Variants in RASSF8 observed in about 807,000 individuals in gnomAD.
RASSF8 encodes Ras association domain family member 8.
A neutral mutation model predicts 48.5 loss-of-function variants in RASSF8; 22 were observed. The ratio of observed to expected loss-of-function variants is 0.45; its 90% confidence interval spans 0.32 to 0.65. RASSF8 has a LOEUF of 0.65. RASSF8 is among the 30% of genes least tolerant of loss of function. The pLI, the probability that RASSF8 is intolerant of heterozygous loss-of-function variation, is 0.03. For missense variants in RASSF8, 418 were observed against 489.2 expected (o/e 0.85, Z 1.37); for synonymous variants, 127 against 171.5 (o/e 0.74, Z 2.03).
At chr12:25,974,097 G>A (rs1012179543) in intron 1 of RASSF8, among the ~76,000 whole-genome samples, 4 of 152,022 alleles carry the variant, frequency 2.6e-5, no homozygotes, top group African/African-American at 9.7e-5. Context: ...CGGTGGTCCA[G>A]GGAGAAAGCA....
In RASSF8 at chr12:26,055,282, G is replaced by C; in HGVS notation, c.-62G>C. 2.2e-6 allele frequency: 3 copies of C among 1,348,214 alleles called. No individual in the cohort carries two copies. Among genetic ancestry groups the C allele is most frequent in the Non-Finnish European group, 3.2e-6 (3 of 937,832 alleles). 83.5% of individuals were successfully genotyped at this position (1,348,214 alleles called of 1,614,324 possible). A position where few individuals can be genotyped will look rare whatever the true frequency, so the allele number is the denominator to read the frequency against. On this transcript the variant is annotated 5_prime_UTR_variant, in exon 3 of 6. Transcript: ENST00000689635. ...TCTCCACTCCGTGTTCCTGCAGCTAGAGACATGACCTAACACCCTGATGAC... is the reference window on the plus strand; with the variant it reads ...TCTCCACTCCGTGTTCCTGCAGCTACAGACATGACCTAACACCCTGATGAC...
Position 26,072,753 on chromosome 12 carries a change from A to T in RASSF8, c.*3935A>T. On this transcript the variant is annotated 3_prime_UTR_variant, in exon 6 of 6. Transcript: ENST00000689635. Reference sequence around the variant, plus strand: ...TCTGTAATATGTATTATATGTAATTATCCTTTTCTTTGACTTTCATTTTAA... The same window carrying T: ...TCTGTAATATGTATTATATGTAATTTTCCTTTTCTTTGACTTTCATTTTAA... 1 of 946,852 alleles carries T rather than the reference A, an allele frequency of 1.1e-6. No individual in the cohort carries two copies. The highest frequency in any genetic ancestry group is 1.3e-6 in the Non-Finnish European group (1 of 794,892). The allele number at this position is 946,852 out of a possible 1,614,324, so 58.7% of individuals were successfully genotyped here.
intron 5 of RASSF8, among the ~76,000 whole-genome samples, 172 bp from the exon 6 acceptor site, chr12:26,068,523 CAA>C (rs1439674762): frequency 6.6e-6 from 1 of 152,170 alleles, no homozygotes; most frequent in Non-Finnish European, 1.5e-5. Context: ...ACTAGTTTAT[CAA>C]AGAGACCTGA....
chr12:25,969,792 A>G lies in RASSF8; in HGVS notation c.-203+10644A>G, dbSNP rs151153839. Among the ~76,000 whole-genome samples, 356 of 152,198 alleles carry G rather than the reference A, an allele frequency of 2.3e-3. 1 individual carries two copies. The highest frequency in any genetic ancestry group is 8.3e-3 in the African/African-American group (344 of 41,526). ...TGTGGGTGCATGTTTTGGTTGTTGC[A>G]GACTGGAGAGATGGGTATTTCTGGT... On this transcript the variant is annotated intron_variant, in intron 1 of 5. Transcript: ENST00000689635.
In RASSF8 at chr12:25,963,321, C is replaced by CAAA. The variant is rs61607517; in HGVS notation, c.-203+4193_-203+4195dup. ...TCACTAAAGCATTCCTTGTTTTAGC[C>CAAA]AAAAAAAAAAAAAAAAAAAAAAGTC... On this transcript the variant is annotated intron_variant, in intron 1 of 5. Coordinates refer to ENST00000689635, the MANE Select transcript of RASSF8 (RefSeq NM_001394098.1). Among the ~76,000 whole-genome samples, 245 of 96,128 alleles carry CAAA rather than the reference C, an allele frequency of 2.5e-3. 1 individual carries two copies. Among genetic ancestry groups the CAAA allele is most frequent in the African/African-American group, 2.9e-3 (70 of 24,276 alleles). The allele number at this position is 96,128 out of a possible 152,430, so 63.1% of individuals were successfully genotyped here.
chr12:25,981,895 A>G (rs1941753533), intron 1 of RASSF8, among the ~76,000 whole-genome samples: 1 of 152,192 alleles, frequency 6.6e-6, no homozygotes, highest in Admixed American at 6.5e-5. Context: ...TCTATATCAA[A>G]TTTAATTTGT....
chr12:26,067,576 A>G lies in RASSF8; in HGVS notation c.1001A>G (p.Glu334Gly). 1 of 1,613,156 alleles carries G rather than the reference A, an allele frequency of 6.2e-7. No homozygotes were observed. Among genetic ancestry groups the G allele is most frequent in the Non-Finnish European group, 8.5e-7 (1 of 1,179,380 alleles). The change falls in exon 5 of 6, where the codon GAA becomes GGA. Residue 334 changes from glutamate to glycine, a missense_variant. Transcript: ENST00000689635. ...ATAATAATTTCCATCTAGGACAAAG[A>G]ACAGGAACTGGAGCAGTTGACTAAG... The part of the protein sequence containing the change: ...GQATKRLQDK[E>G]QELEQLTKEL...
rs1943993437 is a variant in RASSF8, at chr12:26,071,240, T to A, written c.*2422T>A. On this transcript the variant is annotated 3_prime_UTR_variant, in exon 6 of 6. Transcript: ENST00000689635. ...TGAAGATACTTTAGTATATTTGTGATCATTTTTATCTATTGCAAATACAAA... is the reference window on the plus strand; with the variant it reads ...TGAAGATACTTTAGTATATTTGTGAACATTTTTATCTATTGCAAATACAAA... The A allele has an allele frequency of 1.0e-6, 1 of 983,750 alleles. No homozygotes were observed. Among genetic ancestry groups the A allele is most frequent in the Non-Finnish European group, 1.2e-6 (1 of 828,514 alleles). The allele number at this position is 983,750 out of a possible 1,614,324, so 60.9% of individuals were successfully genotyped here.
At position 25,963,321 on chromosome 12, in the gene RASSF8, CAAAA is replaced by C. The variant is rs61607517; in HGVS notation, c.-203+4192_-203+4195del. Among the ~76,000 whole-genome samples the C allele has an allele frequency of 4.3e-3, 415 of 96,172 alleles. 2 individuals carry two copies. Among genetic ancestry groups the C allele is most frequent in the Middle Eastern group, 0.011 (2 of 176 alleles). 63.1% of individuals were successfully genotyped at this position (96,172 alleles called of 152,430 possible). ...TCACTAAAGCATTCCTTGTTTTAGC[CAAAA>C]AAAAAAAAAAAAAAAAAAGTCTCAT... On this transcript the variant is annotated intron_variant, in intron 1 of 5. Coordinates refer to ENST00000689635, the MANE Select transcript of RASSF8 (RefSeq NM_001394098.1).
downstream of RASSF8, among the ~76,000 whole-genome samples, chr12:26,073,776 C>CACACACACACACACACACAT (rs1244639136): frequency 1.7e-5 from 2 of 115,322 alleles, no homozygotes; most frequent in African/African-American, 6.8e-5. Flanking sequence ...CACACACACA[C>CACACACACACACACACACAT]ATATATATAT....
chr12:25,998,410 C>T (rs1034021005), intron 2 of RASSF8, among the ~76,000 whole-genome samples: 12 of 146,524 alleles, frequency 8.2e-5, no homozygotes, highest in African/African-American at 3.0e-4. Flanking sequence ...AGTGCAATGG[C>T]GTGATCTTGG....
chr12:26,068,776 T>A lies in RASSF8; in HGVS notation c.1218T>A (p.Asn406Lys). The change falls in exon 6 of 6, where the codon AAT becomes AAA. Residue 406 changes from asparagine to lysine, a missense_variant. Physicochemically the swap from Asn to Lys is moderately conservative, Grantham distance 94 (BLOSUM62 0). Coordinates refer to ENST00000689635, the MANE Select transcript of RASSF8 (RefSeq NM_001394098.1). Reference sequence around the variant, plus strand: ...CCAGTAATCTCCGCATTCTGCAGAATCCTATCTCATCTGGTTTTAATCCTG... The same window carrying A: ...CCAGTAATCTCCGCATTCTGCAGAAACCTATCTCATCTGGTTTTAATCCTG... ...QLPSNLRILQ[N>K]PISSGFNPEG... 6.5e-7 allele frequency: 1 copy of A among 1,537,222 alleles called. No homozygotes were observed. Among genetic ancestry groups the A allele is most frequent in the Non-Finnish European group, 8.7e-7 (1 of 1,146,868 alleles).
At chr12:26,050,014 A>G (rs1591801346) in intron 2 of RASSF8, among the ~76,000 whole-genome samples, 1 of 151,922 alleles carries the variant, frequency 6.6e-6, no homozygotes, top group Non-Finnish European at 1.5e-5. Flanking sequence ...TGATCTCCAG[A>G]CCTCGTGATC....
In RASSF8 at chr12:25,964,289, G is replaced by GT. The variant is rs201799456; in HGVS notation, c.-203+5156dup. Among the ~76,000 whole-genome samples, 750 of 138,906 alleles carry GT rather than the reference G, an allele frequency of 5.4e-3. 3 individuals carry two copies. Among genetic ancestry groups the GT allele is most frequent in the East Asian group, 0.017 (81 of 4,748 alleles). The allele number at this position is 138,906 out of a possible 152,430, so 91.1% of individuals were successfully genotyped here. A position where few individuals can be genotyped will look rare whatever the true frequency, so the allele number is the denominator to read the frequency against. ...ATTTAGAAAGCTATTCTTAGCAAGT[G>GT]TTTTTTTTTTTTTTTAAATCACATT... On this transcript the variant is annotated intron_variant, in intron 1 of 5. Coordinates refer to ENST00000689635, the MANE Select transcript of RASSF8 (RefSeq NM_001394098.1).
intron 2 of RASSF8, among the ~76,000 whole-genome samples, chr12:26,054,596 A>G (rs953937320): frequency 1.4e-4 from 22 of 152,152 alleles, no homozygotes; most frequent in African/African-American, 5.3e-4. Context: ...TTGGCATTTC[A>G]GCGGGAAGAC....
Position 26,069,551 on chromosome 12 carries a change from A to G in RASSF8, c.*733A>G, listed in dbSNP as rs185030250. 1 of 985,478 alleles carries G rather than the reference A, an allele frequency of 1.0e-6. No homozygotes were observed. The highest frequency in any genetic ancestry group is 6.1e-5 in the Admixed American group (1 of 16,290). The allele number at this position is 985,478 out of a possible 1,614,324, so 61.0% of individuals were successfully genotyped here. ...ATAAAACATTTGCAGTGTTTCAGACACTGTTGAACAAAAATGTAATTGGTA... is the reference window on the plus strand; with the variant it reads ...ATAAAACATTTGCAGTGTTTCAGACGCTGTTGAACAAAAATGTAATTGGTA... On this transcript the variant is annotated 3_prime_UTR_variant, in exon 6 of 6. Coordinates refer to ENST00000689635, the MANE Select transcript of RASSF8 (RefSeq NM_001394098.1).
chr12:25,975,726 G>A (rs1052386561), intron 1 of RASSF8, among the ~76,000 whole-genome samples: 1 of 152,176 alleles, frequency 6.6e-6, no homozygotes, highest in Admixed American at 6.5e-5. Flanking sequence ...AAAGGAAAGA[G>A]GAGAAACAGA....
At chr12:26,011,252 CAT>C (rs1199644745) in intron 2 of RASSF8, among the ~76,000 whole-genome samples, 1 of 151,640 alleles carries the variant, frequency 6.6e-6, no homozygotes, top group African/African-American at 2.4e-5. Flanking sequence ...CTGAGTCAGT[CAT>C]GTGTCCATGG....
At chr12:26,014,249 T>C (rs1392626159) in intron 2 of RASSF8, among the ~76,000 whole-genome samples, 1 of 152,248 alleles carries the variant, frequency 6.6e-6, no homozygotes, top group African/African-American at 2.4e-5. Flanking sequence ...CCTATGCCCA[T>C]GGCAGACATA....
Sources: gnomAD v4.1 joint callset for allele counts (sites outside exome capture counted in the v4.1 genomes callset) on GRCh38, gnomAD v4.1.1 for gene constraint, MANE v1.5 for transcripts, NCBI Gene and HGNC (gene_info 2026-07-23, HGNC 2026-07-21) for gene names.